The following PDK1 variants were observed in gnomAD, a reference collection of about 807,000 sequenced individuals.
PDK1 encodes [Pyruvate dehydrogenase (acetyl-transferring)] kinase isozyme 1, mitochondrial.
In PDK1, 39 loss-of-function variants were observed where a neutral mutation model predicts 54.2. That is an observed-to-expected ratio of 0.72 (90% confidence interval 0.56 to 0.94). PDK1 has a LOEUF of 0.94. Ranked by LOEUF, PDK1 falls within the 40% of genes least tolerant of loss-of-function variation. PDK1 has a pLI of 0.00. For synonymous variants in PDK1, 221 were observed against 207.1 expected (o/e 1.07, Z -0.58); for missense variants, 552 against 566.0 (o/e 0.98, Z 0.25).
chr2:172,563,813 AAC>A (rs1688785559), intron 3 of PDK1, among the ~76,000 whole-genome samples: 1 of 151,590 alleles, frequency 6.6e-6, no homozygotes, highest in African/African-American at 2.4e-5. Context: ...CAGCCTGGGC[AAC>A]AAGAGCAAAA....
chr2:172,638,298 AT>A, the PDK1 span, among the ~76,000 whole-genome samples: 6 of 152,362 alleles, frequency 3.9e-5, no homozygotes, highest in Non-Finnish European at 8.8e-5. Context: ...AAAGCCAAAA[AT>A]AAACAAGTGA....
At chr2:172,711,864 T>TAAAAAAAAAA in the PDK1 span, among the ~76,000 whole-genome samples, 1 of 25,714 alleles carries the variant, frequency 3.9e-5, no homozygotes, top group Non-Finnish European at 5.8e-5. Flanking sequence ...AGAACCTAGC[T>TAAAAAAAAAA]CAAAAAAAAA....
the PDK1 span, among the ~76,000 whole-genome samples, chr2:172,617,231 GC>G: frequency 4.6e-5 from 7 of 152,064 alleles, no homozygotes; most frequent in East Asian, 1.4e-3. Context: ...AAGATTACAG[GC>G]ATGAGCCACC....
At chr2:172,614,683 C>G in the PDK1 span, among the ~76,000 whole-genome samples, 6 of 152,206 alleles carry the variant, frequency 3.9e-5, no homozygotes, top group African/African-American at 1.4e-4. Context: ...GCCACCCACT[C>G]CTCTGAGCTG....
the PDK1 span, among the ~76,000 whole-genome samples, chr2:172,650,592 G>A: frequency 3.3e-3 from 508 of 152,088 alleles, 3 homozygotes; most frequent in African/African-American, 0.011. Context: ...CCCATCTCAC[G>A]TGCAGAGACA....
intron 9 of PDK1, among the ~76,000 whole-genome samples, chr2:172,586,913 C>G (rs1344376996): frequency 6.6e-6 from 1 of 152,110 alleles, no homozygotes; most frequent in Non-Finnish European, 1.5e-5. Flanking sequence ...TTAATAGGAT[C>G]AACTTTTGAA....
chr2:172,616,686 G>A, the PDK1 span, among the ~76,000 whole-genome samples: 2 of 152,274 alleles, frequency 1.3e-5, no homozygotes, highest in South Asian at 4.1e-4. Flanking sequence ...TTACTTATAT[G>A]TGATGGGTTA....
the PDK1 span, among the ~76,000 whole-genome samples, chr2:172,669,014 G>C: frequency 6.3e-3 from 917 of 145,330 alleles, 9 homozygotes; most frequent in African/African-American, 0.021. Flanking sequence ...ATGTCCCCTA[G>C]CTTCATCCAT....
the PDK1 span, among the ~76,000 whole-genome samples, chr2:172,682,036 G>A: frequency 5.8e-4 from 88 of 152,358 alleles, no homozygotes; most frequent in African/African-American, 2.0e-3. Flanking sequence ...GGGGATTAAA[G>A]GCGTGAGCCA....
the PDK1 span, among the ~76,000 whole-genome samples, chr2:172,714,888 A>G: frequency 2.6e-5 from 4 of 152,218 alleles, no homozygotes; most frequent in Admixed American, 6.5e-5. Context: ...TAAGTACACT[A>G]TAGGATAGAA....
chr2:172,569,422 G>A (rs890410309), intron 7 of PDK1, among the ~76,000 whole-genome samples: 5 of 151,780 alleles, frequency 3.3e-5, no homozygotes, highest in Non-Finnish European at 5.9e-5. Context: ...TTTTTTCCCC[G>A]CCAATAATAC....
intron 8 of PDK1, among the ~76,000 whole-genome samples, chr2:172,585,225 C>T (rs948136354): frequency 5.9e-5 from 9 of 151,954 alleles, no homozygotes; most frequent in Admixed American, 5.9e-4. Context: ...TCTCAAACTC[C>T]TGGCTTCAAG....
At chr2:172,595,184 C>G (rs564342328) in intron 10 of PDK1, among the ~76,000 whole-genome samples, 3 of 152,158 alleles carry the variant, frequency 2.0e-5, no homozygotes, top group African/African-American at 7.2e-5. Flanking sequence ...ATCCTCCTCT[C>G]TCAGTCTCCC....
At chr2:172,641,303 T>A in the PDK1 span, among the ~76,000 whole-genome samples, 1 of 152,060 alleles carries the variant, frequency 6.6e-6, no homozygotes, top group Admixed American at 6.6e-5. Flanking sequence ...CTAATTCTTT[T>A]TTCCTTTTTG....
the PDK1 span, among the ~76,000 whole-genome samples, chr2:172,658,697 A>G: frequency 1.3e-5 from 2 of 152,150 alleles, no homozygotes; most frequent in Non-Finnish European, 2.9e-5. Context: ...GGGGAGGTCT[A>G]TAAATGGCCG....
chr2:172,687,899 T>C, the PDK1 span, among the ~76,000 whole-genome samples: 3 of 152,158 alleles, frequency 2.0e-5, no homozygotes, highest in African/African-American at 4.8e-5. Context: ...CCAAGTGAGG[T>C]GGCAGCAGCC....
chr2:172,651,290 C>T, the PDK1 span, among the ~76,000 whole-genome samples: 1 of 152,144 alleles, frequency 6.6e-6, no homozygotes, highest in Non-Finnish European at 1.5e-5. Flanking sequence ...AACAAAGACA[C>T]AACATATCAG....
the PDK1 span, among the ~76,000 whole-genome samples, chr2:172,684,925 C>T: frequency 1.3e-5 from 2 of 152,148 alleles, no homozygotes; most frequent in Non-Finnish European, 2.9e-5. Context: ...TCCCACATGT[C>T]AAGGGAGGGA....
chr2:172,583,281 G>GTTTTTTTTTTTTTTTTTTTTTTTTT lies in PDK1; in HGVS notation c.946-2990_946-2966dup, dbSNP rs1175087926. 6.5e-5 allele frequency among the ~76,000 whole-genome samples: 5 copies of GTTTTTTTTTTTTTTTTTTTTTTTTT among 77,058 alleles called. 1 individual carries two copies. The highest frequency in any genetic ancestry group is 2.2e-4 in the African/African-American group (4 of 18,456). 50.6% of individuals were successfully genotyped at this position (77,058 alleles called of 152,430 possible). A position where few individuals can be genotyped will look rare whatever the true frequency, so the allele number is the denominator to read the frequency against. ...CATAATGCTGCATAAAAGTTTTCTG[G>GTTTTTTTTTTTTTTTTTTTTTTTTT]TTTTTTTTTTTTTTTTTTTTTTTTT... On this transcript the variant is annotated intron_variant, in intron 8 of 10. Transcript: ENST00000282077.
Sources: allele counts gnomAD v4.1 joint callset (sites outside exome capture counted in the v4.1 genomes callset), GRCh38; gene constraint gnomAD v4.1.1; transcripts MANE v1.5; gene names NCBI Gene and HGNC (gene_info 2026-07-23, HGNC 2026-07-21).